The following ADAMTS3 variants were observed in gnomAD, a reference collection of about 807,000 sequenced individuals.
ADAMTS3 encodes the protein ADAM metallopeptidase with thrombospondin type 1 motif 3.
A neutral mutation model predicts 129.0 loss-of-function variants in ADAMTS3; 73 were observed. The ratio of observed to expected loss-of-function variants is 0.57; its 90% CI spans 0.47 to 0.69. The LOEUF is 0.69. Among genes scored for constraint, ADAMTS3 ranks in the 30% least tolerant of loss-of-function variants. The pLI is 0.00. For missense variants in ADAMTS3, 1,457 were observed against 1,514.5 expected, an observed-to-expected ratio of 0.96 and a Z score of 0.63; for synonymous variants, 477 against 510.8, an observed-to-expected ratio of 0.93 and a Z score of 0.89.
At chr4:72,550,099 A>G (rs1159387328) in intron 2 of ADAMTS3, among the ~76,000 whole-genome samples, 3 of 135,238 alleles carry the variant, frequency 2.2e-5, no homozygotes, top group South Asian at 2.6e-4. Flanking sequence ...AAGAAGAAGA[A>G]GAAGAAGAAG....
At chr4:72,407,236 C>T (rs796633827) in intron 4 of ADAMTS3, among the ~76,000 whole-genome samples, 5 of 151,774 alleles carry the variant, frequency 3.3e-5, no homozygotes, top group Non-Finnish European at 5.9e-5. Context: ...CTGGCTTTCC[C>T]TATATGTTAT....
chr4:72,419,616 G>A (rs1166081186), intron 3 of ADAMTS3, among the ~76,000 whole-genome samples: 1 of 152,134 alleles, frequency 6.6e-6, no homozygotes, highest in Non-Finnish European at 1.5e-5. Context: ...GAGATTTTTT[G>A]TGATTATTTT....
intron 3 of ADAMTS3, among the ~76,000 whole-genome samples, chr4:72,512,649 G>A (rs1031055730): frequency 6.6e-6 from 1 of 152,114 alleles, no homozygotes; most frequent in African/African-American, 2.4e-5. Flanking sequence ...AAGGGATGGA[G>A]AACCCATTTT....
intron 17 of ADAMTS3, among the ~76,000 whole-genome samples, chr4:72,300,287 C>T (rs559454918): frequency 6.6e-6 from 1 of 152,154 alleles, no homozygotes; most frequent in Admixed American, 6.5e-5. Flanking sequence ...CATCTCCTAG[C>T]TACAAATCTC....
chr4:72,523,539 A>G (rs1720729097), intron 3 of ADAMTS3, among the ~76,000 whole-genome samples: 1 of 152,104 alleles, frequency 6.6e-6, no homozygotes, highest in African/African-American at 2.4e-5. Flanking sequence ...ATGTGAAACA[A>G]TACTATACAT....
At chr4:72,303,531 A>T in intron 17 of ADAMTS3, among the ~76,000 whole-genome samples, 2 of 152,084 alleles carry the variant, frequency 1.3e-5, no homozygotes, top group South Asian at 4.1e-4. Flanking sequence ...CACCCACACC[A>T]CAAGAAATGC....
chr4:72,546,446 T>A (rs999067549), intron 3 of ADAMTS3, among the ~76,000 whole-genome samples: 1 of 94,876 alleles, frequency 1.1e-5, no homozygotes, highest in Admixed American at 8.5e-5. Flanking sequence ...GAATTACAAA[T>A]GTTAAAAAAA....
intron 3 of ADAMTS3, among the ~76,000 whole-genome samples, chr4:72,462,020 G>A (rs1405255397): frequency 6.6e-6 from 1 of 151,804 alleles, no homozygotes; most frequent in African/African-American, 2.4e-5. Context: ...GAGCACTATG[G>A]ATTAAGCAGT....
chr4:72,538,016 G>A (rs916497041), intron 3 of ADAMTS3, among the ~76,000 whole-genome samples: 4 of 152,152 alleles, frequency 2.6e-5, no homozygotes, highest in African/African-American at 9.7e-5. Context: ...ATTCACTAGA[G>A]GAATTCAAAG....
At chr4:72,366,523 T>C (rs1161805579) in intron 4 of ADAMTS3, among the ~76,000 whole-genome samples, 1 of 152,200 alleles carries the variant, frequency 6.6e-6, no homozygotes, top group African/African-American at 2.4e-5. Flanking sequence ...CAAGCTATGC[T>C]TTTTAGGGTT....
chr4:72,558,350 G>A (rs2623531), intron 2 of ADAMTS3, among the ~76,000 whole-genome samples: 146,007 of 151,540 alleles, frequency 0.96, 70,729 homozygotes, highest in East Asian at 1. Context: ...GGAGGCCACC[G>A]ACATCGCCTG....
chr4:72,460,047 G>C (rs549050621), intron 3 of ADAMTS3, among the ~76,000 whole-genome samples: 1 of 151,472 alleles, frequency 6.6e-6, no homozygotes, highest in South Asian at 2.1e-4. Context: ...ATCAGATTTT[G>C]GATTTTTAAA....
chr4:72,425,597 T>G (rs1038968301), intron 3 of ADAMTS3, among the ~76,000 whole-genome samples: 1 of 152,200 alleles, frequency 6.6e-6, no homozygotes, highest in African/African-American at 2.4e-5. Flanking sequence ...TGGTTTTTTG[T>G]CTTTGCAATA....
At chr4:72,473,661 G>C (rs1719144659) in intron 3 of ADAMTS3, among the ~76,000 whole-genome samples, 1 of 151,868 alleles carries the variant, frequency 6.6e-6, no homozygotes. Context: ...CAACACCCTA[G>C]GTGGTGTGAG....
chr4:72,518,990 C>T (rs1215365738), intron 3 of ADAMTS3, among the ~76,000 whole-genome samples: 2 of 151,736 alleles, frequency 1.3e-5, no homozygotes, highest in Non-Finnish European at 2.9e-5. Context: ...TGTTCCTTTC[C>T]ATGTTTAGTG....
chr4:72,348,236 A>G (rs1326337209), intron 4 of ADAMTS3, among the ~76,000 whole-genome samples: 1 of 152,076 alleles, frequency 6.6e-6, no homozygotes, highest in Non-Finnish European at 1.5e-5. Context: ...AACTAGGGTA[A>G]GAAGAGTAAA....
At chr4:72,352,708 A>C (rs893111423) in intron 4 of ADAMTS3, among the ~76,000 whole-genome samples, 2 of 152,032 alleles carry the variant, frequency 1.3e-5, no homozygotes, top group African/African-American at 4.8e-5. Context: ...AGAATGTGTC[A>C]ACAGAGGAGG....
intron 2 of ADAMTS3, among the ~76,000 whole-genome samples, chr4:72,555,929 T>C (rs1245692411): frequency 2.0e-5 from 3 of 151,636 alleles, no homozygotes; most frequent in Non-Finnish European, 4.4e-5. Context: ...TCCACCATGA[T>C]TGTACATTTC....
intron 4 of ADAMTS3, among the ~76,000 whole-genome samples, chr4:72,387,091 G>C (rs561143791): frequency 6.6e-6 from 1 of 152,290 alleles, no homozygotes; most frequent in African/African-American, 2.4e-5. Context: ...CTCAAGGTGA[G>C]TAGACATTAT....
Sources: allele counts gnomAD v4.1 joint callset (sites outside exome capture counted in the v4.1 genomes callset), GRCh38; gene constraint gnomAD v4.1.1; transcripts MANE v1.5; gene names NCBI Gene and HGNC (gene_info 2026-07-23, HGNC 2026-07-21).